Variants in ATF7IP2 observed in about 807,000 individuals in gnomAD.
The protein encoded by ATF7IP2 is activating transcription factor 7 interacting protein 2.
A neutral mutation model predicts 64.2 loss-of-function variants in ATF7IP2; 42 were observed. The ratio of observed to expected loss-of-function variants is 0.65; its 90% CI spans 0.51 to 0.85. ATF7IP2 has a LOEUF of 0.85. ATF7IP2 is among the 40% of genes least tolerant of loss of function. ATF7IP2 has a pLI of 0.00. For missense variants in ATF7IP2, 933 were observed against 784.2 expected (o/e 1.19, Z -2.27); for synonymous variants, 308 against 272.8 (o/e 1.13, Z -1.27).
At position 10,482,140 on chromosome 16, in the gene ATF7IP2, T is replaced by C. The variant is rs1016896719; in HGVS notation, c.1940T>C (p.Leu647Ser). 1 of 1,613,966 alleles carries C rather than the reference T, an allele frequency of 6.2e-7. No individual in the cohort carries two copies. The highest frequency in any genetic ancestry group is 8.5e-7 in the Non-Finnish European group (1 of 1,179,804). ...LPMACTLSQF[L>S]ASNRYYFTVQ... ...ATGGCCTGTACTTTATCTCAGTTTT[T>C]AGCTTCCAACAGATACTATTTTACT... The change falls in exon 14 of 14, where the codon TTA (leucine) becomes TCA (serine). Residue 647 changes from leucine (L) to serine (S), a missense_variant. Coordinates refer to ENST00000562102, the MANE Select transcript of ATF7IP2 (RefSeq NM_001393719.1).
chr16:10,459,606 C>G (rs1175002868), intron 9 of ATF7IP2, among the ~76,000 whole-genome samples: 2 of 152,064 alleles, frequency 1.3e-5, no homozygotes, highest in Non-Finnish European at 2.9e-5. Context: ...GAGATCACGC[C>G]ACTGTACTCC....
At chr16:10,461,727 G>T (rs1375158411) in intron 9 of ATF7IP2, among the ~76,000 whole-genome samples, 1 of 152,142 alleles carries the variant, frequency 6.6e-6, no homozygotes, top group African/African-American at 2.4e-5. Flanking sequence ...TTATGGTGAG[G>T]AAGTTTATGA....
intron 1 of ATF7IP2, among the ~76,000 whole-genome samples, chr16:10,403,753 T>C (rs909674813): frequency 6.6e-6 from 1 of 152,076 alleles, no homozygotes; most frequent in Non-Finnish European, 1.5e-5. Context: ...ACCAAGGAAA[T>C]AGATATCTTT....
chr16:10,398,398 A>C (rs1371843644), intron 1 of ATF7IP2, among the ~76,000 whole-genome samples: 1 of 152,208 alleles, frequency 6.6e-6, no homozygotes, highest in Non-Finnish European at 1.5e-5. Flanking sequence ...GAATTAGTAT[A>C]GCCATTATTT....
chr16:10,481,838 T>C lies in ATF7IP2; in HGVS notation c.1638T>C (p.Val546=), dbSNP rs1446272904. 6.4e-7 allele frequency: 1 copy of C among 1,571,536 alleles called. No individual in the cohort carries two copies. Among genetic ancestry groups the C allele is most frequent in the Non-Finnish European group, 8.6e-7 (1 of 1,164,790 alleles). ...TTPLAQNAVQ[V]PESFEHLPPL... is the part of the protein sequence containing the mutation. ...TTTTCTTACAATTGTGTTTTTAGGT[T>C]CCTGAGTCCTTTGAGCACCTGCCAC... is the stretch of plus-strand genomic sequence containing the variant. The change falls in exon 14 of 14, where the codon GTT becomes GTC. Residue 546 remains valine, a splice_region_variant and synonymous_variant. Coordinates refer to ENST00000562102, the MANE Select transcript of ATF7IP2 (RefSeq NM_001393719.1).
In ATF7IP2 at chr16:10,482,500, C is replaced by T. The variant is rs1468677131; in HGVS notation, c.*251C>T. On this transcript the variant is annotated 3_prime_UTR_variant, in exon 14 of 14. Transcript: ENST00000562102. ...CCATGTTGCTGAGGTGCATTGTGAA[C>T]AATACCTTTAGTGACTGTGGAACTG... 8 of 311,380 alleles carry T rather than the reference C, an allele frequency of 2.6e-5. No homozygotes were observed. The East Asian group carries it at 3.5e-4, about 14-fold the overall frequency. 19.3% of individuals were successfully genotyped at this position (311,380 alleles called of 1,614,324 possible).
At position 10,430,895 on chromosome 16, in the gene ATF7IP2, C is replaced by G. The variant is rs369210238; in HGVS notation, c.275C>G (p.Ser92Cys). Residue 92 changes from serine (S) to cysteine (C), a missense_variant, in exon 5 of 14, where the codon TCT (serine) becomes TGT (cysteine). Coordinates refer to ENST00000562102, the MANE Select transcript of ATF7IP2 (RefSeq NM_001393719.1). Reference sequence around the variant, plus strand: ...ATATCAGAGAAAAGTAAAGTATTCTCTCAGAATTGCATAAAACCAGTAGAA... The same window carrying G: ...ATATCAGAGAAAAGTAAAGTATTCTGTCAGAATTGCATAAAACCAGTAGAA... ...NSISEKSKVF[S>C]QNCIKPVEEI... 2.5e-6 allele frequency: 4 copies of G among 1,613,878 alleles called. No individual in the cohort carries two copies. In the South Asian group the frequency reaches 4.4e-5, roughly 18 times the overall value.
At chr16:10,479,885 G>A (rs1448239681) in intron 12 of ATF7IP2, among the ~76,000 whole-genome samples, 1 of 150,300 alleles carries the variant, frequency 6.7e-6, no homozygotes, top group Non-Finnish European at 1.5e-5. Flanking sequence ...TACACTGTTG[G>A]TAGGAATGTA....
At chr16:10,394,620 A>G (rs956394167) in intron 1 of ATF7IP2, among the ~76,000 whole-genome samples, 1 of 152,212 alleles carries the variant, frequency 6.6e-6, no homozygotes, top group Non-Finnish European at 1.5e-5. Flanking sequence ...ACACTAGGCC[A>G]TGAAGCAAAC....
At chr16:10,477,278 G>C (rs1443677793) in intron 12 of ATF7IP2, among the ~76,000 whole-genome samples, 3 of 152,194 alleles carry the variant, frequency 2.0e-5, no homozygotes, top group African/African-American at 7.2e-5. Flanking sequence ...GTGGGCAAAA[G>C]ATTACATTTA....
At chr16:10,430,537 ATAACT>A in intron 4 of ATF7IP2, 69 bp from the exon 5 acceptor site, 2 of 814,732 alleles carry the variant, frequency 2.5e-6, no homozygotes, top group Non-Finnish European at 3.8e-6. Context: ...TTGTAAATAA[ATAACT>A]TTAATTCAGT....
chr16:10,481,083 G>A (rs2050205353), intron 13 of ATF7IP2, 119 bp downstream of exon 13: 3 of 691,520 alleles, frequency 4.3e-6, no homozygotes, highest in African/African-American at 1.8e-5. Flanking sequence ...TTAGTGTGCT[G>A]TTGTTAATCT....
intron 1 of ATF7IP2, among the ~76,000 whole-genome samples, chr16:10,404,823 A>G (rs2047604109): frequency 6.6e-6 from 1 of 152,122 alleles, no homozygotes; most frequent in Non-Finnish European, 1.5e-5. Context: ...TATTACAGGC[A>G]TGAACCAGTG....
rs537466654 is a variant in ATF7IP2 at position 10,394,025 on chromosome 16, T to C, written c.-242+7903T>C. Among the ~76,000 whole-genome samples the C allele has an allele frequency of 3.9e-5, 6 of 152,094 alleles. No individual in the cohort carries two copies. In the South Asian group the frequency reaches 1.2e-3, roughly 32 times the overall value. On this transcript the variant is annotated intron_variant, in intron 1 of 13. Transcript: ENST00000562102. ...GCACTGTGCATGATAGAGAGACCTA[T>C]CTCTAAACAAACAAAAACAACCAAG...
At chr16:10,441,058 A>G (rs1054592500) in intron 8 of ATF7IP2, among the ~76,000 whole-genome samples, 16 of 152,272 alleles carry the variant, frequency 1.1e-4, no homozygotes, top group African/African-American at 3.6e-4. Context: ...AGCTTCATCC[A>G]TGTCGCTGCA....
chr16:10,466,452 G>A (rs1330186793), intron 9 of ATF7IP2, among the ~76,000 whole-genome samples: 1 of 152,078 alleles, frequency 6.6e-6, no homozygotes, highest in Non-Finnish European at 1.5e-5. Flanking sequence ...CCACCAACCA[G>A]TTTACCAAAG....
intron 2 of ATF7IP2, among the ~76,000 whole-genome samples, chr16:10,418,745 A>G (rs754234334): frequency 1.3e-5 from 2 of 152,080 alleles, no homozygotes; most frequent in African/African-American, 4.8e-5. Context: ...ATGCTTTTTT[A>G]TTCTGTCCCA....
At chr16:10,459,513 G>A (rs1407296131) in intron 9 of ATF7IP2, among the ~76,000 whole-genome samples, 1 of 151,714 alleles carries the variant, frequency 6.6e-6, no homozygotes, top group Admixed American at 6.6e-5. Context: ...TGGGCATGGT[G>A]GTGCATGCCT....
intron 8 of ATF7IP2, among the ~76,000 whole-genome samples, chr16:10,450,663 CTTGGTAGA>C (rs1212534854): frequency 1.3e-5 from 2 of 151,486 alleles, no homozygotes; most frequent in African/African-American, 4.9e-5. Context: ...TTTCCATTTG[CTTGGTAGA>C]TCTTCCTCCA....
Sources: allele counts gnomAD v4.1 joint callset (sites outside exome capture counted in the v4.1 genomes callset), GRCh38; gene constraint gnomAD v4.1.1; transcripts MANE v1.5; gene names NCBI Gene and HGNC (gene_info 2026-07-23, HGNC 2026-07-21).